Variants in HLA-DPA1 observed in about 807,000 individuals in gnomAD.
HLA-DPA1 encodes major histocompatibility complex, class II, DP alpha 1.
Under a neutral mutation model 21.5 loss-of-function variants are expected in HLA-DPA1, and 20 were observed. The ratio of observed to expected loss-of-function variants is 0.93; its 90% CI spans 0.66 to 1.35. The LOEUF is 1.35. HLA-DPA1 is among the 40% of genes most tolerant of loss of function. HLA-DPA1 has a pLI of 0.00. For missense variants in HLA-DPA1, 279 were observed against 323.0 expected, an observed-to-expected ratio of 0.86 and a Z score of 1.05; for synonymous variants, 123 against 129.6, an observed-to-expected ratio of 0.95 and a Z score of 0.35.
chr6:33,078,134 T>C (rs1762644628), intron 1 of HLA-DPA1, among the ~76,000 whole-genome samples: 1 of 149,624 alleles, frequency 6.7e-6, no homozygotes. Flanking sequence ...AACCCAGAGG[T>C]GGGGGAGCAG....
At position 33,070,740 on chromosome 6, in the gene HLA-DPA1, G is replaced by T. The variant is rs148517218; in HGVS notation, c.101-854C>A. Among the ~76,000 whole-genome samples, 542 of 152,232 alleles carry T rather than the reference G, an allele frequency of 3.6e-3. 3 individuals carry two copies. Among genetic ancestry groups the T allele is most frequent in the East Asian group, 0.026 (133 of 5,184 alleles). ...TTATTTTATGTTCAGGAGTACATGT[G>T]CAGGTTTGTTGTATAGGTAAACTCA... is the stretch of plus-strand genomic sequence containing the variant. On this transcript the variant is annotated intron_variant, in intron 2 of 5. Coordinates refer to ENST00000419277, the Ensembl canonical transcript of HLA-DPA1.
chr6:33,075,004 G>T (rs1489220564), intron 1 of HLA-DPA1, among the ~76,000 whole-genome samples: 2 of 151,878 alleles, frequency 1.3e-5, no homozygotes, highest in East Asian at 3.9e-4. Context: ...GATTTTTTTT[G>T]AAATTAGAAT....
intron 3 of HLA-DPA1, 64 bp from the exon 3 acceptor site, chr6:33,069,364 TA>T: frequency 6.7e-7 from 1 of 1,498,010 alleles, no homozygotes; most frequent in Non-Finnish European, 9.1e-7. Flanking sequence ...CTCCACCTCT[TA>T]GGGGAGGGTG....
chr6:33,077,044 T>G (rs1038593180), intron 1 of HLA-DPA1, among the ~76,000 whole-genome samples: 6 of 151,268 alleles, frequency 4.0e-5, no homozygotes, highest in African/African-American at 1.2e-4. Context: ...ACATTAGGTA[T>G]ATTTCCTAAT....
exon 3 of HLA-DPA1, chr6:33,069,664 G>T: frequency 6.2e-7 from 1 of 1,612,414 alleles, no homozygotes; most frequent in South Asian, 1.1e-5. Flanking sequence ...AGTGTGGTTG[G>T]AACGCTGGAT....
chr6:33,068,669 C>A, exon 5 of HLA-DPA1: 1 of 1,612,676 alleles, frequency 6.2e-7, no homozygotes, highest in Non-Finnish European at 8.5e-7. Flanking sequence ...CCCCTGGGCC[C>A]GGGGGTCATG....
In HLA-DPA1 at chr6:33,069,221, CT is replaced by C; in HGVS notation, c.425del (p.Lys142SerfsTer41). On this transcript the variant is annotated frameshift_variant, in exon 4 of 6. Transcript: ENST00000419277. LOFTEE classifies it high-confidence loss of function. ...TGACGTTGAGCACTGGTGGGAAGAA[CT>C]TGTCAATGTGGCAGATGAGGGTGTT... is the stretch of plus-strand genomic sequence containing the variant. 1.2e-6 allele frequency: 2 copies of C among 1,612,980 alleles called. No homozygotes were observed. Among genetic ancestry groups the C allele is most frequent in the Non-Finnish European group, 1.7e-6 (2 of 1,179,982 alleles).
chr6:33,076,815 T>C (rs1762562408), intron 1 of HLA-DPA1, among the ~76,000 whole-genome samples: 1 of 152,114 alleles, frequency 6.6e-6, no homozygotes, highest in Non-Finnish European at 1.5e-5. Context: ...AAGGAAGCAG[T>C]AACCAAGTGA....
chr6:33,068,487 T>G, intron 5 of HLA-DPA1, 151 bp downstream of exon 4: 1 of 618,330 alleles, frequency 1.6e-6, no homozygotes. Flanking sequence ...CGCCTGACCA[T>G]ATTAACTACT....
chr6:33,067,852 T>C (rs1003983418), intron 5 of HLA-DPA1: 1 of 132,500 alleles, frequency 7.5e-6, no homozygotes, highest in Admixed American at 7.2e-5. Flanking sequence ...ACCAAATAAA[T>C]CAAGGGAGAG....
chr6:33,074,917 T>G (rs1449420547), intron 1 of HLA-DPA1, among the ~76,000 whole-genome samples: 1 of 152,218 alleles, frequency 6.6e-6, no homozygotes, highest in African/African-American at 2.4e-5. Flanking sequence ...ACTACATAAT[T>G]ATTTTCTTCT....
At chr6:33,068,242 T>A (rs1055567993) in intron 5 of HLA-DPA1, 4 of 160,874 alleles carry the variant, frequency 2.5e-5, no homozygotes, top group Non-Finnish European at 5.4e-5. Context: ...GGTCTTTTCC[T>A]TCACAAAATA....
At chr6:33,079,332 A>C (rs1762715562) in intron 1 of HLA-DPA1, 1 of 182,064 alleles carries the variant, frequency 5.5e-6, no homozygotes, top group Non-Finnish European at 1.1e-5. Context: ...TGCTCATGGC[A>C]CTCCCTAGGA....
At chr6:33,075,637 C>A (rs1213833718) in intron 1 of HLA-DPA1, among the ~76,000 whole-genome samples, 1 of 151,930 alleles carries the variant, frequency 6.6e-6, no homozygotes, top group Non-Finnish European at 1.5e-5. Flanking sequence ...CAGACCATGT[C>A]CTGTGGGTGT....
At chr6:33,070,865 C>T (rs910783384) in intron 2 of HLA-DPA1, among the ~76,000 whole-genome samples, 2 of 152,116 alleles carry the variant, frequency 1.3e-5, no homozygotes, top group Non-Finnish European at 2.9e-5. Context: ...TAGAGGCCAA[C>T]TAGAAATTAT....
chr6:33,080,061 A>G lies in HLA-DPA1; in HGVS notation c.-100+619T>C, dbSNP rs530320446. Among the ~76,000 whole-genome samples, 1 of 152,358 alleles carries G rather than the reference A, an allele frequency of 6.6e-6. No homozygotes were observed. The highest frequency in any genetic ancestry group is 1.9e-4 in the East Asian group (1 of 5,192). ...GTTTGAAAATTAACTTTCAGGCTAC[A>G]GAGTCTTTCTTATACCAAAGTTGAA... On this transcript the variant is annotated intron_variant, in intron 1 of 5. Coordinates refer to ENST00000419277, the Ensembl canonical transcript of HLA-DPA1. The surrounding 1 kb of genome is among the most constrained non-coding windows in gnomAD (Gnocchi z 4.3).
intron 2 of HLA-DPA1, among the ~76,000 whole-genome samples, chr6:33,071,154 G>A (rs1762261183): frequency 7.0e-6 from 1 of 142,254 alleles, no homozygotes; most frequent in African/African-American, 2.8e-5. Flanking sequence ...TACAGTGACA[G>A]GAGAATGACT....
chr6:33,069,653 G>A lies in HLA-DPA1; in HGVS notation c.334C>T (p.Gln112Ter), dbSNP rs772554917. 3 of 1,612,204 alleles carry A rather than the reference G, an allele frequency of 1.9e-6. No individual in the cohort carries two copies. The highest frequency in any genetic ancestry group is 1.3e-5 in the African/African-American group (1 of 74,808). ...AGATAGGGCGTACCGTTGGTGGCCT[G>A]AGTGTGGTTGGAACGCTGGATCAAG... is the stretch of plus-strand genomic sequence containing the variant. Residue 112 changes from glutamine (Q) to a stop codon, truncating the protein, a stop_gained, in exon 3 of 6, where the codon CAG becomes TAG. Transcript: ENST00000419277. LOFTEE classifies it high-confidence loss of function.
chr6:33,079,295 C>T (rs1583112950), intron 1 of HLA-DPA1, among the ~76,000 whole-genome samples: 1 of 152,382 alleles, frequency 6.6e-6, no homozygotes, highest in African/African-American at 2.4e-5. Context: ...ACTGATAATT[C>T]TGTGTAGACA....
Sources: gnomAD v4.1 joint callset for allele counts (sites outside exome capture counted in the v4.1 genomes callset) on GRCh38, gnomAD v4.1.1 for gene constraint, Gnocchi (gnomAD v3.1) non-coding constraint, MANE v1.5 for transcripts, NCBI Gene and HGNC (gene_info 2026-07-23, HGNC 2026-07-21) for gene names.